The following WDCP variants were observed in gnomAD, a reference collection of about 807,000 sequenced individuals.
WDCP encodes the protein WD repeat and coiled-coil-containing protein.
WDCP carries 19 observed loss-of-function variants against 41.6 expected under a neutral mutation model. The observed-to-expected ratio is 0.46, with a 90% confidence interval of 0.32 to 0.67. The LOEUF is 0.67. Among genes scored for constraint, WDCP ranks in the 30% least tolerant of loss-of-function variants. The pLI is 0.04. For synonymous variants in WDCP, 302 were observed against 320.8 expected, an observed-to-expected ratio of 0.94 and a Z score of 0.63; for missense variants, 802 against 850.7, an observed-to-expected ratio of 0.94 and a Z score of 0.71.
intron 2 of WDCP, among the ~76,000 whole-genome samples, chr2:24,034,765 G>T (rs547431855): frequency 4.6e-5 from 7 of 151,962 alleles, no homozygotes; most frequent in Non-Finnish European, 1.0e-4. Flanking sequence ...GGTAGAGACA[G>T]GGTTTTGCCA....
At position 24,031,147 on chromosome 2, in the gene WDCP, A is replaced by C; in HGVS notation, c.1952T>G (p.Leu651Arg). 1 of 1,613,204 alleles carries C rather than the reference A, an allele frequency of 6.2e-7. No homozygotes were observed. Among genetic ancestry groups the C allele is most frequent in the Non-Finnish European group, 8.5e-7 (1 of 1,179,248 alleles). ...AAAGCCCTCACTGTCAGCAGAGAGA[A>C]GAATCCAGTGGGAATCTGCAAATAA... ...IEMLHDSHWI[L>R]LSADSEGFIP... The change falls in exon 4 of 4, where the codon CTT becomes CGT. Residue 651 changes from leucine to arginine, a missense_variant. Physicochemically the swap from Leu to Arg is moderately radical, Grantham distance 102 (BLOSUM62 -2). Transcript: ENST00000295148.
chr2:24,044,337 T>C (rs1032721444), intron 1 of WDCP, among the ~76,000 whole-genome samples: 2 of 152,098 alleles, frequency 1.3e-5, no homozygotes, highest in African/African-American at 2.4e-5. Flanking sequence ...TGGCATGATC[T>C]GGGCTCACTG....
chr2:24,031,832 A>C (rs1663107176), intron 3 of WDCP, among the ~76,000 whole-genome samples: 1 of 152,092 alleles, frequency 6.6e-6, no homozygotes, highest in Admixed American at 6.5e-5. Context: ...TCTCAAAAAA[A>C]AAAAAAGAAA....
At chr2:24,040,737 C>A (rs2150952402) in intron 1 of WDCP, among the ~76,000 whole-genome samples, 1 of 152,318 alleles carries the variant, frequency 6.6e-6, no homozygotes, top group Admixed American at 6.5e-5. Context: ...ATGCTTAGGG[C>A]TGGGCGTGGT....
At chr2:24,035,829 G>A (rs1165201257) in intron 2 of WDCP, among the ~76,000 whole-genome samples, 1 of 151,886 alleles carries the variant, frequency 6.6e-6, no homozygotes, top group African/African-American at 2.4e-5. Flanking sequence ...TCAGCACTCT[G>A]GGAGGCCAAG....
In WDCP at chr2:24,032,942, G is replaced by A. The variant is rs1216317040; in HGVS notation, c.1823C>T (p.Pro608Leu). 7 of 1,579,490 alleles carry A rather than the reference G, an allele frequency of 4.4e-6. No homozygotes were observed. The highest frequency in any genetic ancestry group is 6.1e-6 in the Non-Finnish European group (7 of 1,149,900). The change falls in exon 3 of 4, where the codon CCT becomes CTT. Residue 608 changes from proline to leucine, a missense_variant. Around this residue, in one of 5 missense-constraint regions of WDCP, gnomAD observed 321 missense variants for 305.1 expected, o/e 1.05. Transcript: ENST00000295148. ...LPYVHIIYQK[P>L]YYLGPVVEKR... Reference sequence around the variant, plus strand: ...TTCAACAACAGGACCTAGATAATAAGGTTTCTGCAAATAAAAAATAAAAGT... The same window carrying A: ...TTCAACAACAGGACCTAGATAATAAAGTTTCTGCAAATAAAAAATAAAAGT...
chr2:24,044,490 C>T (rs927919539), intron 1 of WDCP, among the ~76,000 whole-genome samples: 7 of 152,130 alleles, frequency 4.6e-5, no homozygotes, highest in East Asian at 3.8e-4. Flanking sequence ...TGGTCTTGAA[C>T]TCCTGACCTC....
rs372743789 is a variant in WDCP at position 24,030,905 on chromosome 2, G to C, written c.*28C>G. On this transcript the variant is annotated 3_prime_UTR_variant, in exon 4 of 4. Transcript: ENST00000295148. Reference sequence around the variant, plus strand: ...CTTGTTTGTAATGGTCTCATCTGAAGAGCTACACAGCAAGGACACTGCAGA... The same window carrying C: ...CTTGTTTGTAATGGTCTCATCTGAACAGCTACACAGCAAGGACACTGCAGA... 1.4e-5 allele frequency: 21 copies of C among 1,544,350 alleles called. No homozygotes were observed. Among genetic ancestry groups the C allele is most frequent in the African/African-American group, 1.1e-4 (8 of 73,250 alleles).
chr2:24,033,239 T>C lies in WDCP; in HGVS notation c.1819-293A>G, dbSNP rs1275031906. ...ACTAAAAGGATGATGGACAGCAGCCTGAGAGACACAATCTGACGGTAAGAA... is the reference window on the plus strand; with the variant it reads ...ACTAAAAGGATGATGGACAGCAGCCCGAGAGACACAATCTGACGGTAAGAA... On this transcript the variant is annotated intron_variant, in intron 2 of 3. Transcript: ENST00000295148. 5 of 513,928 alleles carry C rather than the reference T, an allele frequency of 9.7e-6. 1 individual carries two copies. In the East Asian group the frequency reaches 1.6e-4, roughly 17 times the overall value. The allele number at this position is 513,928 out of a possible 1,614,324, so 31.8% of individuals were successfully genotyped here.
At chr2:24,040,357 A>G (rs1301485571) in intron 1 of WDCP, among the ~76,000 whole-genome samples, 1 of 152,262 alleles carries the variant, frequency 6.6e-6, no homozygotes, top group African/African-American at 2.4e-5. Flanking sequence ...CTTTTAAGTT[A>G]GAAAATTTTC....
rs550106319 is a variant in WDCP at position 24,035,615 on chromosome 2, T to A, written c.1818+2062A>T. 1.2e-3 allele frequency among the ~76,000 whole-genome samples: 179 copies of A among 152,014 alleles called. 1 individual carries two copies. The highest frequency in any genetic ancestry group is 6.8e-3 in the Middle Eastern group (2 of 294). Reference sequence around the variant, plus strand: ...ATCACATTTATAAATAAAATAATTTTAAAAAAATCAAAACTATGGCTGGGT... The same window carrying A: ...ATCACATTTATAAATAAAATAATTTAAAAAAAATCAAAACTATGGCTGGGT... On this transcript the variant is annotated intron_variant, in intron 2 of 3. Transcript: ENST00000295148.
chr2:24,037,990 G>C lies in WDCP; in HGVS notation c.1505C>G (p.Pro502Arg). ...GGAGCCATCACAGATACTAGACAGA[G>C]GACTCTGGATTTCTTTAATAAGTGT... ...GRTLIKEIQS[P>R]LSSICDGSIA... The change falls in exon 2 of 4, where the codon CCT becomes CGT. Residue 502 changes from proline (P) to arginine (R), a missense_variant. This residue lies in a region of WDCP where 321 missense variants were observed against 305.1 expected (regional missense o/e 1.05). Transcript: ENST00000295148. The C allele has an allele frequency of 6.2e-7, 1 of 1,614,150 alleles. No homozygotes were observed. Among genetic ancestry groups the C allele is most frequent in the Non-Finnish European group, 8.5e-7 (1 of 1,180,012 alleles).
At chr2:24,046,569 C>T (rs1663632704) in intron 1 of WDCP, among the ~76,000 whole-genome samples, 1 of 152,164 alleles carries the variant, frequency 6.6e-6, no homozygotes, top group Non-Finnish European at 1.5e-5. Flanking sequence ...TTAAAGACAA[C>T]TCATGACGAG....
In WDCP at chr2:24,039,460, C is replaced by T; in HGVS notation, c.35G>A (p.Gly12Glu). ...ELGKGKLLRTGLNALHQAVHP... is the reference protein window; with the variant it reads ...ELGKGKLLRTELNALHQAVHP... ...CACTGCTTGATGCAACGCATTCAGT[C>T]CAGTCCTGAGTAGTTTTCCTTTTCC... Residue 12 changes from glycine (G) to glutamate (E), a missense_variant, in exon 2 of 4, where the codon GGA (glycine) becomes GAA (glutamate). Coordinates refer to ENST00000295148, the MANE Select transcript of WDCP (RefSeq NM_025203.3). 6.2e-7 allele frequency: 1 copy of T among 1,614,160 alleles called. No individual in the cohort carries two copies. Among genetic ancestry groups the T allele is most frequent in the Non-Finnish European group, 8.5e-7 (1 of 1,179,984 alleles).
intron 1 of WDCP, among the ~76,000 whole-genome samples, chr2:24,046,874 T>C (rs1292139477): frequency 1.3e-5 from 2 of 152,222 alleles, no homozygotes; most frequent in Non-Finnish European, 2.9e-5. Context: ...TCTAACATTA[T>C]ATATTAGCAT....
At chr2:24,032,509 A>T (rs1294526269) in intron 3 of WDCP, among the ~76,000 whole-genome samples, 4 of 152,038 alleles carry the variant, frequency 2.6e-5, no homozygotes, top group African/African-American at 9.7e-5. Flanking sequence ...TCTCCAAAAA[A>T]CAAACAAACA....
At position 24,039,145 on chromosome 2, in the gene WDCP, T is replaced by A; in HGVS notation, c.350A>T (p.Gln117Leu). 1 of 1,614,182 alleles carries A rather than the reference T, an allele frequency of 6.2e-7. No homozygotes were observed. Among genetic ancestry groups the A allele is most frequent in the Non-Finnish European group, 8.5e-7 (1 of 1,180,028 alleles). Residue 117 changes from glutamine to leucine, a missense_variant, in exon 2 of 4, where the codon CAG (glutamine) becomes CTG (leucine). Physicochemically the swap from Gln to Leu is moderately radical, Grantham distance 113. This residue lies in a region of WDCP where 214 missense variants were observed against 252.9 expected (regional missense o/e 0.85). Transcript: ENST00000295148. The stretch of plus-strand genomic sequence containing the variant: ...ACATTTTGGGTGCCACACACAGCCC[T>A]GGGGAAGGATAGGTAGTGATCCTCT... ...EIRGSLPILP[Q>L]GCVWHPKCAI...
At chr2:24,034,413 C>G (rs2150947959) in intron 2 of WDCP, among the ~76,000 whole-genome samples, 1 of 152,072 alleles carries the variant, frequency 6.6e-6, no homozygotes, top group Middle Eastern at 3.4e-3. Context: ...AAGCAAAGCT[C>G]TATCTAAAAA....
At position 24,047,349 on chromosome 2, in the gene WDCP, T is replaced by A. The variant is rs1663660488; in HGVS notation, c.-54A>T. The A allele has an allele frequency of 6.6e-6, 1 of 151,870 alleles. No individual in the cohort carries two copies. Among genetic ancestry groups the A allele is most frequent in the Non-Finnish European group, 1.5e-5 (1 of 68,018 alleles). The allele number at this position is 151,870 out of a possible 1,614,324, so 9.4% of individuals were successfully genotyped here. On this transcript the variant is annotated 5_prime_UTR_variant, in exon 1 of 4. Coordinates refer to ENST00000295148, the MANE Select transcript of WDCP (RefSeq NM_025203.3). ...ACTGCCTCACAAAAACACCAATCTC[T>A]CTGTGGCCGCCCAACATCACGCCGC... is the stretch of plus-strand genomic sequence containing the variant.
Sources: allele counts gnomAD v4.1 joint callset (sites outside exome capture counted in the v4.1 genomes callset), GRCh38; gene constraint gnomAD v4.1.1; regional missense constraint gnomAD v4.1.1; transcripts MANE v1.5; gene names NCBI Gene and HGNC (gene_info 2026-07-23, HGNC 2026-07-21).